KAZN: variants seen among roughly 807,000 people sequenced by gnomAD.
The protein encoded by KAZN is kazrin.
A neutral mutation model predicts 87.4 loss-of-function variants in KAZN; 40 were observed. The ratio of observed to expected loss-of-function variants is 0.46; its 90% CI spans 0.36 to 0.60. KAZN has a LOEUF of 0.60. Ranked by LOEUF, KAZN falls within the 20% of genes least tolerant of loss-of-function variation. The pLI, the probability that KAZN is intolerant of heterozygous loss-of-function variation, is 0.00. For missense variants in KAZN, 898 were observed against 1,073.9 expected, an observed-to-expected ratio of 0.84 and a Z score of 2.29; for synonymous variants, 466 against 458.3, an observed-to-expected ratio of 1.02 and a Z score of -0.22.
intron 2 of KAZN, among the ~76,000 whole-genome samples, chr1:14,206,702 C>CTTT (rs70997123): frequency 1.7e-4 from 24 of 144,890 alleles, no homozygotes; most frequent in African/African-American, 3.8e-4. Context: ...TGAGCATTTT[C>CTTT]TTTTTTTTTT....
chr1:14,780,234 C>T (rs1215825823), intron 1 of KAZN, among the ~76,000 whole-genome samples: 3 of 152,204 alleles, frequency 2.0e-5, no homozygotes, highest in Non-Finnish European at 4.4e-5. Context: ...GCCCCTCTGG[C>T]TTGTCCTTTG....
Position 14,457,824 on chromosome 1 carries a change from G to GT in KAZN, c.250-141148dup, listed in dbSNP as rs75828934. Among the ~76,000 whole-genome samples the GT allele has an allele frequency of 5.3e-3, 756 of 142,482 alleles. 15 individuals are homozygous for GT. The highest frequency in any genetic ancestry group is 0.017 in the African/African-American group (633 of 38,090). 93.5% of individuals were successfully genotyped at this position (142,482 alleles called of 152,430 possible). A position where few individuals can be genotyped will look rare whatever the true frequency, so the allele number is the denominator to read the frequency against. On this transcript the variant is annotated intron_variant, in intron 2 of 16. Transcript: ENST00000636203. ...CTTTTTTGTTGTTGTTTTTTGTTTT[G>GT]TTTTTTTTTTTGAAACGGAATCTCG...
intron 2 of KAZN, among the ~76,000 whole-genome samples, chr1:14,477,982 C>CAA (rs1256488868): frequency 6.6e-6 from 1 of 152,184 alleles, no homozygotes; most frequent in Non-Finnish European, 1.5e-5. Flanking sequence ...CATGACCAGC[C>CAA]TTGTGTCTCC....
intron 2 of KAZN, among the ~76,000 whole-genome samples, chr1:14,966,099 C>G (rs1214631025): frequency 6.6e-6 from 1 of 151,544 alleles, no homozygotes; most frequent in Non-Finnish European, 1.5e-5. Context: ...CGTGCCTCAG[C>G]CTCCCAAGTA....
At chr1:14,362,102 T>C (rs1020814764) in intron 2 of KAZN, among the ~76,000 whole-genome samples, 13 of 152,202 alleles carry the variant, frequency 8.5e-5, no homozygotes, top group Non-Finnish European at 1.8e-4. Flanking sequence ...TACTGACTTA[T>C]AACAACTCAC....
Position 15,065,054 on chromosome 1 carries a change from C to T in KAZN, c.1099-576C>T, listed in dbSNP as rs191514427. Among the ~76,000 whole-genome samples the T allele has an allele frequency of 8.7e-4, 76 of 86,904 alleles. 1 individual carries two copies. The Middle Eastern group carries it at 0.061, about 70-fold the overall frequency. The allele number at this position is 86,904 out of a possible 152,430, so 57.0% of individuals were successfully genotyped here. ...TTTTTTTTTTTTTTTTTTTTTGAGA[C>T]GGAGTCTCACTCTGTCGCCCAGGCT... On this transcript the variant is annotated intron_variant, in intron 7 of 14. Coordinates refer to ENST00000376030, the MANE Select transcript of KAZN (RefSeq NM_201628.3).
chr1:14,632,353 T>C (rs1014405697), intron 1 of KAZN, among the ~76,000 whole-genome samples: 14 of 152,216 alleles, frequency 9.2e-5, no homozygotes, highest in African/African-American at 3.4e-4. Flanking sequence ...TCCTTTTGTA[T>C]AGAGAAGAAT....
chr1:14,805,388 C>A (rs1447739064), intron 1 of KAZN, among the ~76,000 whole-genome samples: 1 of 152,140 alleles, frequency 6.6e-6, no homozygotes. Context: ...TGTAAGTTTA[C>A]CCAGCTCCAC....
chr1:13,938,094 G>A (rs140686901), intron 1 of KAZN, among the ~76,000 whole-genome samples: 18 of 152,126 alleles, frequency 1.2e-4, no homozygotes, highest in African/African-American at 2.9e-4. Flanking sequence ...AATAGAAATC[G>A]CATTGAATCT....
chr1:14,902,950 C>G (rs1272399168), intron 1 of KAZN, among the ~76,000 whole-genome samples: 1 of 151,560 alleles, frequency 6.6e-6, no homozygotes, highest in African/African-American at 2.4e-5. Context: ...TCACTGCAAC[C>G]TCCACCTCCC....
intron 2 of KAZN, among the ~76,000 whole-genome samples, chr1:14,417,718 C>T (rs1053290240): frequency 9.9e-5 from 15 of 151,976 alleles, no homozygotes; most frequent in Admixed American, 4.6e-4. Flanking sequence ...TACATCGGGC[C>T]GGGTGTGGTG....
chr1:14,682,014 C>A (rs983482420), intron 1 of KAZN, among the ~76,000 whole-genome samples: 1 of 152,038 alleles, frequency 6.6e-6, no homozygotes, highest in East Asian at 1.9e-4. Context: ...ATGTATTGTT[C>A]AGCAGCATTA....
intron 1 of KAZN, among the ~76,000 whole-genome samples, chr1:13,991,449 AG>A (rs145787952): frequency 0.16 from 23,974 of 151,970 alleles, 2,092 homozygotes; most frequent in African/African-American, 0.18. Flanking sequence ...TAATAAAAAA[AG>A]GGGAAAAAAA....
At chr1:15,040,803 A>C (rs1672812264) in intron 3 of KAZN, among the ~76,000 whole-genome samples, 1 of 151,768 alleles carries the variant, frequency 6.6e-6, no homozygotes, top group African/African-American at 2.4e-5. Flanking sequence ...AAAAACAAAC[A>C]AACAAAAAAC....
intron 2 of KAZN, among the ~76,000 whole-genome samples, chr1:14,501,586 A>G (rs10927446): frequency 0.55 from 84,035 of 152,052 alleles, 23,816 homozygotes; most frequent in Middle Eastern, 0.68. Context: ...AAAGTCAACA[A>G]CAGAGGTGCA....
chr1:14,399,642 C>A (rs1197630646), intron 2 of KAZN, among the ~76,000 whole-genome samples: 1 of 152,140 alleles, frequency 6.6e-6, no homozygotes, highest in African/African-American at 2.4e-5. Context: ...TGGGTCACAG[C>A]TGGAGACATC....
chr1:14,035,199 T>C (rs1401060602), intron 1 of KAZN, among the ~76,000 whole-genome samples: 1 of 152,276 alleles, frequency 6.6e-6, no homozygotes, highest in East Asian at 1.9e-4. Flanking sequence ...TCCACTACAA[T>C]GTGACGGGGA....
At chr1:14,383,675 C>T (rs371823166) in intron 2 of KAZN, among the ~76,000 whole-genome samples, 1 of 151,954 alleles carries the variant, frequency 6.6e-6, no homozygotes, top group African/African-American at 2.4e-5. Context: ...ATTGATCTCT[C>T]TCTCTGTTTT....
At chr1:14,891,272 C>T (rs1157093903) in intron 1 of KAZN, among the ~76,000 whole-genome samples, 1 of 152,094 alleles carries the variant, frequency 6.6e-6, no homozygotes, top group Non-Finnish European at 1.5e-5. Flanking sequence ...TAGCAGTATA[C>T]GCTGAACCCA....
Sources: allele counts gnomAD v4.1 joint callset (sites outside exome capture counted in the v4.1 genomes callset), GRCh38; gene constraint gnomAD v4.1.1; transcripts MANE v1.5; gene names NCBI Gene and HGNC (gene_info 2026-07-23, HGNC 2026-07-21).